MYO1H: variants seen among roughly 807,000 people sequenced by gnomAD.
MYO1H encodes unconventional myosin-Ih.
Under a neutral mutation model 149.3 loss-of-function variants are expected in MYO1H, and 118 were observed. That is an observed-to-expected ratio of 0.79 (90% CI 0.68 to 0.92). The LOEUF (loss-of-function observed/expected upper bound fraction) is 0.92. Among genes scored for constraint, MYO1H ranks in the 40% least tolerant of loss-of-function variants. The pLI is 0.00. For missense variants in MYO1H, 1,212 were observed against 1,280.7 expected (o/e 0.95, Z 0.82); for synonymous variants, 447 against 465.2 (o/e 0.96, Z 0.50).
Position 109,409,959 on chromosome 12 carries a change from CTA to C in MYO1H, c.1224-3_1224-2del. Reference sequence around the variant, plus strand: ...TTAGTTACTTAAATCTTTTGTATCTCTAGTTTTGAACAGTTCTGTATAAATTA... The same window carrying C: ...TTAGTTACTTAAATCTTTTGTATCTCGTTTTGAACAGTTCTGTATAAATTA... On this transcript the variant is annotated splice_acceptor_variant and splice_polypyrimidine_tract_variant and intron_variant, in intron 11 of 31. Coordinates refer to ENST00000310903, the Ensembl canonical transcript of MYO1H. LOFTEE classifies it high-confidence loss of function. 1.4e-6 allele frequency: 2 copies of C among 1,467,316 alleles called. No individual in the cohort carries two copies. Among genetic ancestry groups the C allele is most frequent in the Non-Finnish European group, 1.8e-6 (2 of 1,095,388 alleles). 90.9% of individuals were successfully genotyped at this position (1,467,316 alleles called of 1,614,324 possible).
chr12:109,314,029 C>T, the MYO1H span, among the ~76,000 whole-genome samples: 2 of 151,866 alleles, frequency 1.3e-5, no homozygotes, highest in South Asian at 2.1e-4. Flanking sequence ...GGATTACAGG[C>T]GCGCACCACC....
At chr12:109,347,131 C>A (rs1002291783), upstream of MYO1H, among the ~76,000 whole-genome samples, 1 of 152,156 alleles carries the variant, frequency 6.6e-6, no homozygotes, top group African/African-American at 2.4e-5. Flanking sequence ...TCGAATGAAC[C>A]CAGCACTGAA....
intron 1 of MYO1H, among the ~76,000 whole-genome samples, chr12:109,378,319 A>G (rs1278569100): frequency 2.8e-5 from 4 of 144,014 alleles, no homozygotes; most frequent in Admixed American, 2.1e-4. Flanking sequence ...TTTCTTTTTT[A>G]TTTATTTATT....
At chr12:109,359,362 A>T (rs1868689931) in intron 1 of MYO1H, 1 of 152,194 alleles carries the variant, frequency 6.6e-6, no homozygotes, top group Admixed American at 6.5e-5. Flanking sequence ...GGGCAGTTTC[A>T]TGTGCGGAGC....
intron 25 of MYO1H, among the ~76,000 whole-genome samples, chr12:109,441,103 C>A (rs1269936088): frequency 2.6e-5 from 4 of 152,230 alleles, no homozygotes; most frequent in Non-Finnish European, 5.9e-5. Flanking sequence ...AGACCCCTTT[C>A]TGCTGGAAAT....
At chr12:109,360,677 TC>T (rs61458260) in intron 1 of MYO1H, among the ~76,000 whole-genome samples, 36,251 of 152,102 alleles carry the variant, frequency 0.24, 5,233 homozygotes, top group East Asian at 0.39. Flanking sequence ...AAATCTATAG[TC>T]TTGCTCTTTC....
At chr12:109,385,151 G>T (rs1014030910) in intron 1 of MYO1H, among the ~76,000 whole-genome samples, 9 of 152,182 alleles carry the variant, frequency 5.9e-5, no homozygotes, top group Non-Finnish European at 2.9e-5. Flanking sequence ...ACTCTCCCAA[G>T]ATTATACTGC....
chr12:109,427,472 A>G, exon 19 of MYO1H: 1 of 1,608,328 alleles, frequency 6.2e-7, no homozygotes, highest in Non-Finnish European at 8.5e-7. Flanking sequence ...TCCAAAGGCA[A>G]ATTTGATGAC....
rs1566026352 is a variant in MYO1H, at chr12:109,396,366, G to GTC, written c.291-15_291-14dup. ...GTACCATTAAAACGAATTTGTTTCC[G>GTC]TCTCACTCCTCCTCCAGCTACGCTA... On this transcript the variant is annotated splice_polypyrimidine_tract_variant and intron_variant, in intron 3 of 31. Coordinates refer to ENST00000310903, the Ensembl canonical transcript of MYO1H. 4.4e-6 allele frequency: 7 copies of GTC among 1,582,084 alleles called. No individual in the cohort carries two copies. Among genetic ancestry groups the GTC allele is most frequent in the Non-Finnish European group, 6.0e-6 (7 of 1,162,758 alleles).
chr12:109,387,213 G>T (rs1869379054), intron 1 of MYO1H, among the ~76,000 whole-genome samples: 1 of 152,046 alleles, frequency 6.6e-6, no homozygotes, highest in Non-Finnish European at 1.5e-5. Context: ...TCACAGCTGT[G>T]AGCCACCACA....
chr12:109,357,044 A>G (rs2137001005), intron 1 of MYO1H: 1 of 152,354 alleles, frequency 6.6e-6, no homozygotes, highest in African/African-American at 2.4e-5. Flanking sequence ...AACTGGGGAC[A>G]GCACCTTCTG....
At chr12:109,363,557 A>G (rs1868798777) in intron 1 of MYO1H, among the ~76,000 whole-genome samples, 2 of 152,012 alleles carry the variant, frequency 1.3e-5, no homozygotes, top group Admixed American at 1.3e-4. Flanking sequence ...TACTAAAAAT[A>G]CAAAATTAGC....
intron 1 of MYO1H, among the ~76,000 whole-genome samples, chr12:109,371,089 G>C (rs1868971862): frequency 6.6e-6 from 1 of 152,098 alleles, no homozygotes; most frequent in Non-Finnish European, 1.5e-5. Flanking sequence ...ATATAACAAA[G>C]CTTAAGCCTT....
chr12:109,410,798 A>G (rs376564809), intron 13 of MYO1H, 30 bp downstream of exon 13: 2 of 1,385,256 alleles, frequency 1.4e-6, no homozygotes, highest in African/African-American at 2.8e-5. Context: ...CATTAGAGCT[A>G]TTCACCCGGC....
the MYO1H span, among the ~76,000 whole-genome samples, chr12:109,327,122 C>CTTTTTTTTTTTTTTTTTTTTTT: frequency 2.7e-5 from 3 of 111,398 alleles, no homozygotes; most frequent in African/African-American, 3.8e-5. Flanking sequence ...TTTTCTTTTT[C>CTTTTTTTTTTTTTTTTTTTTTT]TTTTTCTTTT....
At chr12:109,415,373 G>A (rs920194770) in intron 14 of MYO1H, among the ~76,000 whole-genome samples, 153 bp from the exon 15 acceptor site, 1 of 152,186 alleles carries the variant, frequency 6.6e-6, no homozygotes, top group Non-Finnish European at 1.5e-5. Flanking sequence ...TACTCCAGAG[G>A]CTGAGGCAGG....
chr12:109,322,819 CAAAA>C, the MYO1H span, among the ~76,000 whole-genome samples: 376 of 77,106 alleles, frequency 4.9e-3, 3 homozygotes, highest in African/African-American at 0.017. Context: ...GACTCCGTCT[CAAAA>C]AAAAAAAAAA....
chr12:109,318,983 T>TTTTTTTTTTTTTTTG, the MYO1H span, among the ~76,000 whole-genome samples: 3 of 144,824 alleles, frequency 2.1e-5, no homozygotes, highest in African/African-American at 7.8e-5. Context: ...TTTTTTTTTT[T>TTTTTTTTTTTTTTTG]TTTTTTTTTT....
the MYO1H span, among the ~76,000 whole-genome samples, chr12:109,334,790 C>T: frequency 0.027 from 4,152 of 152,312 alleles, 79 homozygotes; most frequent in Non-Finnish European, 0.037. Context: ...AGAGAATTCA[C>T]ATACCATAAA....
Sources: gnomAD v4.1 joint callset for allele counts (sites outside exome capture counted in the v4.1 genomes callset) on GRCh38, gnomAD v4.1.1 for gene constraint, MANE v1.5 for transcripts, NCBI Gene and HGNC (gene_info 2026-07-23, HGNC 2026-07-21) for gene names.